The following ITPR1 variants were observed in gnomAD, a reference collection of about 807,000 sequenced individuals.
ITPR1 encodes inositol 1,4,5-trisphosphate-gated calcium channel ITPR1.
A neutral mutation model predicts 318.4 loss-of-function variants in ITPR1; 96 were observed. That is an observed-to-expected ratio of 0.30 (90% confidence interval 0.26 to 0.36). The LOEUF is 0.36. ITPR1 is among the 10% of genes least tolerant of loss of function. The pLI is 1.00. For synonymous variants in ITPR1, 1,312 were observed against 1,289.9 expected (o/e 1.02, Z -0.37); for missense variants, 2,440 against 3,460.2 (o/e 0.71, Z 7.40).
In ITPR1 at chr3:4,768,542, G is replaced by A; in HGVS notation, c.5757G>A (p.Glu1919=). 1 of 1,613,562 alleles carries A rather than the reference G, an allele frequency of 6.2e-7. No individual in the cohort carries two copies. The highest frequency in any genetic ancestry group is 8.5e-7 in the Non-Finnish European group (1 of 1,179,618). ...AKEPTTQITE[E]VRDQLLEASA... is the part of the protein sequence containing the mutation. Reference sequence around the variant, plus strand: ...AGCCCACAACACAGATAACAGAAGAGGTCCGGGATCAGCTCCTGGAGGCCT... The same window carrying A: ...AGCCCACAACACAGATAACAGAAGAAGTCCGGGATCAGCTCCTGGAGGCCT... Residue 1919 remains glutamate, a synonymous_variant, in exon 46 of 62, where the codon GAG becomes GAA. Transcript: ENST00000649015.
At chr3:4,738,460 G>A (rs887774641) in intron 44 of ITPR1, among the ~76,000 whole-genome samples, 9 of 152,288 alleles carry the variant, frequency 5.9e-5, no homozygotes, top group South Asian at 2.1e-4. Flanking sequence ...CTGAAATGGC[G>A]TCTGATTAGA....
chr3:4,707,245 C>T (rs1295435891), intron 37 of ITPR1, among the ~76,000 whole-genome samples: 1 of 152,182 alleles, frequency 6.6e-6, no homozygotes, highest in East Asian at 1.9e-4. Flanking sequence ...CTCTTTTGCT[C>T]TTCTGGAGGT....
At chr3:4,540,275 T>C (rs1332373471) in intron 4 of ITPR1, among the ~76,000 whole-genome samples, 4 of 152,178 alleles carry the variant, frequency 2.6e-5, no homozygotes, top group African/African-American at 2.4e-5. Context: ...TGACGTCTTA[T>C]AGTCTGTTTT....
chr3:4,700,721 C>T (rs1203178598), intron 35 of ITPR1, among the ~76,000 whole-genome samples: 1 of 152,260 alleles, frequency 6.6e-6, no homozygotes, highest in East Asian at 1.9e-4. Context: ...TGTATTAGTG[C>T]ATTTTCACGC....
intron 10 of ITPR1, among the ~76,000 whole-genome samples, chr3:4,647,827 G>A (rs1327215298): frequency 2.0e-5 from 3 of 152,134 alleles, no homozygotes; most frequent in African/African-American, 4.8e-5. Context: ...TAAAAAAATT[G>A]TCTTACCACT....
At chr3:4,649,227 G>C (rs1009634890) in intron 10 of ITPR1, among the ~76,000 whole-genome samples, 1 of 152,156 alleles carries the variant, frequency 6.6e-6, no homozygotes, top group Non-Finnish European at 1.5e-5. Context: ...CTTCCATTGA[G>C]CTGTTTTTCT....
At chr3:4,604,440 A>G (rs1289102928) in intron 4 of ITPR1, among the ~76,000 whole-genome samples, 3 of 152,082 alleles carry the variant, frequency 2.0e-5, no homozygotes, top group African/African-American at 7.2e-5. Flanking sequence ...AAAAGTTACA[A>G]CTGTATTACT....
At chr3:4,707,447 T>C (rs768763374) in intron 37 of ITPR1, among the ~76,000 whole-genome samples, 1 of 152,224 alleles carries the variant, frequency 6.6e-6, no homozygotes, top group Non-Finnish European at 1.5e-5. Context: ...CCTCACATCA[T>C]GGCGGCTGTG....
intron 53 of ITPR1, chr3:4,800,156 A>G: frequency 2.2e-6 from 1 of 458,598 alleles, no homozygotes; most frequent in Non-Finnish European, 3.8e-6. Flanking sequence ...GGATTGGGGG[A>G]GGCTTCCTGG....
At chr3:4,775,147 C>A in intron 46 of ITPR1, 95 bp from the exon 47 acceptor site, 2 of 905,366 alleles carry the variant, frequency 2.2e-6, no homozygotes, top group South Asian at 1.3e-5. Flanking sequence ...TGTATAATTA[C>A]CAACCTATTA....
At chr3:4,506,783 TAA>T (rs1329465126) in intron 2 of ITPR1, among the ~76,000 whole-genome samples, 1 of 152,238 alleles carries the variant, frequency 6.6e-6, no homozygotes, top group Non-Finnish European at 1.5e-5. Flanking sequence ...TCCTGTTATA[TAA>T]AGTTTCCAAA....
chr3:4,592,747 C>A (rs1263111267), intron 4 of ITPR1, among the ~76,000 whole-genome samples: 1 of 152,050 alleles, frequency 6.6e-6, no homozygotes, highest in Non-Finnish European at 1.5e-5. Flanking sequence ...ATGTCTTTGC[C>A]CTGTTTCTCA....
rs143231915 is a variant in ITPR1 at position 4,577,427 on chromosome 3, C to G, written c.164-50336C>G. On this transcript the variant is annotated intron_variant, in intron 4 of 61. Transcript: ENST00000649015. Reference sequence around the variant, plus strand: ...GTGCCCTGTATTTTCACCAAACTTGCAGGGATGCTGACGTTGCTAGCAGGC... The same window carrying G: ...GTGCCCTGTATTTTCACCAAACTTGGAGGGATGCTGACGTTGCTAGCAGGC... Among the ~76,000 whole-genome samples, 292 of 152,292 alleles carry G rather than the reference C, an allele frequency of 1.9e-3. 2 individuals are homozygous for G. The highest frequency in any genetic ancestry group is 6.7e-3 in the African/African-American group (278 of 41,552).
chr3:4,801,436 A>T (rs1043652657), intron 54 of ITPR1, among the ~76,000 whole-genome samples: 12 of 152,220 alleles, frequency 7.9e-5, no homozygotes, highest in Non-Finnish European at 1.5e-4. Context: ...TGAAAAGCTT[A>T]CAGCGGGGAG....
chr3:4,760,214 G>T (rs1165525996), intron 44 of ITPR1, among the ~76,000 whole-genome samples: 1 of 152,228 alleles, frequency 6.6e-6, no homozygotes, highest in Non-Finnish European at 1.5e-5. Flanking sequence ...ATCTGCCTTG[G>T]CAATCTCCTA....
At chr3:4,555,863 G>T (rs760028798) in intron 4 of ITPR1, among the ~76,000 whole-genome samples, 1 of 152,302 alleles carries the variant, frequency 6.6e-6, no homozygotes. Context: ...AGGCTTGTCT[G>T]TCTTATAGAT....
chr3:4,620,981 T>G (rs2092608026), intron 4 of ITPR1, among the ~76,000 whole-genome samples: 1 of 152,028 alleles, frequency 6.6e-6, no homozygotes, highest in East Asian at 1.9e-4. Flanking sequence ...ACTTACTAGT[T>G]GATGGACAGC....
At position 4,493,518 on chromosome 3, in the gene ITPR1, C is replaced by T. The variant is rs1437384166; in HGVS notation, c.-180C>T. The T allele has an allele frequency of 1.3e-5, 2 of 153,504 alleles. No homozygotes were observed. The highest frequency in any genetic ancestry group is 4.8e-5 in the African/African-American group (2 of 41,436). 9.5% of individuals were successfully genotyped at this position (153,504 alleles called of 1,614,324 possible). On this transcript the variant is annotated 5_prime_UTR_variant, in exon 1 of 62. Transcript: ENST00000649015. ...CTTCCATCCTAACGGAACGAGCTCC[C>T]TCTTCGCGGACATGGGATTACCCAG...
intron 4 of ITPR1, among the ~76,000 whole-genome samples, chr3:4,566,719 C>T (rs1433591101): frequency 6.6e-6 from 1 of 152,042 alleles, no homozygotes; most frequent in Non-Finnish European, 1.5e-5. Context: ...TTTCCTCCAC[C>T]TTCCCTTCAT....
Sources: allele counts gnomAD v4.1 joint callset (sites outside exome capture counted in the v4.1 genomes callset), GRCh38; gene constraint gnomAD v4.1.1; transcripts MANE v1.5; gene names NCBI Gene and HGNC (gene_info 2026-07-23, HGNC 2026-07-21).